TCF7L2: variants seen among roughly 807,000 people sequenced by gnomAD.
TCF7L2 encodes transcription factor 7-like 2.
In TCF7L2, 23 loss-of-function variants were observed where a neutral mutation model predicts 77.9. The ratio of observed to expected loss-of-function variants is 0.30; its 90% confidence interval spans 0.21 to 0.42. TCF7L2 has a LOEUF of 0.42. TCF7L2 is among the 10% of genes least tolerant of loss of function. TCF7L2 has a pLI of 1.00. For missense variants in TCF7L2, 654 were observed against 793.1 expected (o/e 0.82, Z 2.11); for synonymous variants, 413 against 340.2 (o/e 1.21, Z -2.36).
intron 5 of TCF7L2, among the ~76,000 whole-genome samples, chr10:113,101,410 G>A (rs564697772): frequency 3.5e-4 from 53 of 152,062 alleles, no homozygotes; most frequent in Non-Finnish European, 7.4e-4. Context: ...AGGCATGGTG[G>A]TGCATACCTG....
chr10:113,160,852 A>G (rs1258155897), intron 13 of TCF7L2, among the ~76,000 whole-genome samples: 1 of 152,118 alleles, frequency 6.6e-6, no homozygotes, highest in Non-Finnish European at 1.5e-5. Context: ...ATTTTATGCC[A>G]TTTCCTCTCC....
chr10:113,006,942 T>C (rs770095409), intron 4 of TCF7L2, among the ~76,000 whole-genome samples: 21 of 152,366 alleles, frequency 1.4e-4, no homozygotes, highest in South Asian at 4.1e-4. Context: ...TCCTCACTGA[T>C]GCACCTGCCC....
At position 113,091,904 on chromosome 10, in the gene TCF7L2, A is replaced by G. The variant is rs144602544; in HGVS notation, c.553-49280A>G. On this transcript the variant is annotated intron_variant, in intron 5 of 13. Coordinates refer to ENST00000627217, the MANE Select transcript of TCF7L2 (RefSeq NM_001146274.2). ...AGGCCCCCTTTTCTCTGCATTAGCCATGGCCTGGTAGAAGATCTTTTTCAG... is the reference window on the plus strand; with the variant it reads ...AGGCCCCCTTTTCTCTGCATTAGCCGTGGCCTGGTAGAAGATCTTTTTCAG... Among the ~76,000 whole-genome samples, 461 of 152,288 alleles carry G rather than the reference A, an allele frequency of 3.0e-3. 3 individuals are homozygous for G. The highest frequency in any genetic ancestry group is 0.011 in the African/African-American group (442 of 41,556).
rs957176542 is a variant in TCF7L2 at position 113,052,289 on chromosome 10, A to G, written c.552+12163A>G. ...GAGAGATTCTGAGGCTGTATGTGTC[A>G]GGGCCTCCAGGGGAAGGATGCATTG... is the stretch of plus-strand genomic sequence containing the variant. On this transcript the variant is annotated intron_variant, in intron 5 of 13. Transcript: ENST00000627217. Among the ~76,000 whole-genome samples, 4 of 152,126 alleles carry G rather than the reference A, an allele frequency of 2.6e-5. No individual in the cohort carries two copies. The South Asian group carries it at 6.2e-4, about 24-fold the overall frequency.
Position 113,082,687 on chromosome 10 carries a change from CTT to C in TCF7L2, c.552+42562_552+42563del, listed in dbSNP as rs1430130483. 4.6e-5 allele frequency among the ~76,000 whole-genome samples: 7 copies of C among 152,158 alleles called. No homozygotes were observed. In the East Asian group the frequency reaches 1.2e-3, roughly 25 times the overall value. ...TGACTTATTTTAATAAATTTACCCT[CTT>C]ATTATATAATGGCCATGTCCAGAAA... On this transcript the variant is annotated intron_variant, in intron 5 of 13. Coordinates refer to ENST00000627217, the MANE Select transcript of TCF7L2 (RefSeq NM_001146274.2).
chr10:113,070,364 T>G (rs1323924724), intron 5 of TCF7L2, among the ~76,000 whole-genome samples: 1 of 151,404 alleles, frequency 6.6e-6, no homozygotes, highest in Admixed American at 6.6e-5. Context: ...CTGCTGGGTG[T>G]TCAGTATTCA....
rs543397017 is a variant in TCF7L2, at chr10:113,035,169, C to A, written c.451-4856C>A. Reference sequence around the variant, plus strand: ...TTGTGGTTAGACCTTGTGATGGGGGCCTCAGCCAAAGGGTTCAGGATTTTT... The same window carrying A: ...TTGTGGTTAGACCTTGTGATGGGGGACTCAGCCAAAGGGTTCAGGATTTTT... On this transcript the variant is annotated intron_variant, in intron 4 of 13. Transcript: ENST00000627217. Among the ~76,000 whole-genome samples the A allele has an allele frequency of 6.1e-4, 93 of 152,248 alleles. 1 individual carries two copies. The South Asian group carries it at 0.019, about 32-fold the overall frequency.
At position 113,120,110 on chromosome 10, in the gene TCF7L2, G is replaced by A. The variant is rs544334398; in HGVS notation, c.553-21074G>A. On this transcript the variant is annotated intron_variant, in intron 5 of 13. Coordinates refer to ENST00000627217, the MANE Select transcript of TCF7L2 (RefSeq NM_001146274.2). ...ATCGACTGATGAGACCAGAGGCTCCGCCAATAAAAGGTTACAGTACGTGAT... is the reference window on the plus strand; with the variant it reads ...ATCGACTGATGAGACCAGAGGCTCCACCAATAAAAGGTTACAGTACGTGAT... Among the ~76,000 whole-genome samples the A allele has an allele frequency of 9.9e-5, 15 of 152,250 alleles. No homozygotes were observed. The East Asian group carries it at 2.1e-3, about 22-fold the overall frequency.
intron 5 of TCF7L2, among the ~76,000 whole-genome samples, chr10:113,127,526 T>C (rs952538853): frequency 6.6e-6 from 1 of 152,206 alleles, no homozygotes; most frequent in Non-Finnish European, 1.5e-5. Flanking sequence ...AATTTCATGC[T>C]GAAAGGAAAG....
At position 113,165,680 on chromosome 10, in the gene TCF7L2, A is replaced by G. The variant is rs2074001149; in HGVS notation, c.1517A>G (p.Asp506Gly). The stretch of plus-strand genomic sequence containing the variant: ...AACCTGCTAGGCTCCCCTCCCCGAG[A>G]CGCCAAGTCACAGACTGAGCAGACC... Residue 506 changes from aspartate to glycine, a missense_variant, in exon 14 of 14, where the codon GAC (aspartate) becomes GGC (glycine). Asp to Gly is a moderately conservative substitution (Grantham distance 94). Around this residue, in one of 6 missense-constraint regions of TCF7L2, gnomAD observed 272 missense variants for 215.4 expected, o/e 1.26. Coordinates refer to ENST00000627217, the MANE Select transcript of TCF7L2 (RefSeq NM_001146274.2). The G allele has an allele frequency of 1.3e-6, 2 of 1,597,120 alleles. No homozygotes were observed. Among genetic ancestry groups the G allele is most frequent in the Non-Finnish European group, 1.7e-6 (2 of 1,174,368 alleles).
At chr10:113,025,392 C>T (rs1393628838) in intron 4 of TCF7L2, among the ~76,000 whole-genome samples, 1 of 152,040 alleles carries the variant, frequency 6.6e-6, no homozygotes, top group Non-Finnish European at 1.5e-5. Context: ...GCGTGTGCCA[C>T]CACTTCTGGC....
intron 4 of TCF7L2, among the ~76,000 whole-genome samples, chr10:113,011,877 A>AGT (rs1308544464): frequency 6.6e-6 from 1 of 151,588 alleles, no homozygotes; most frequent in African/African-American, 2.4e-5. Context: ...TGCTACCTTG[A>AGT]GTATTGCTGT....
intron 12 of TCF7L2, among the ~76,000 whole-genome samples, chr10:113,160,210 C>G (rs1288260910): frequency 6.6e-6 from 1 of 151,952 alleles, no homozygotes; most frequent in Non-Finnish European, 1.5e-5. Flanking sequence ...CTCGTGCCTC[C>G]TCGGGTCAGC....
chr10:113,161,479 C>A, intron 13 of TCF7L2: 2 of 1,322,388 alleles, frequency 1.5e-6, no homozygotes, highest in Non-Finnish European at 2.1e-6. Context: ...GTAGGTACTT[C>A]CTTCTTGGTG....
intron 4 of TCF7L2, among the ~76,000 whole-genome samples, chr10:112,981,084 C>T (rs562369625): frequency 6.6e-6 from 1 of 152,170 alleles, no homozygotes; most frequent in East Asian, 1.9e-4. Context: ...CTTACCAAAC[C>T]ACCAGTATGT....
chr10:113,130,085 C>A, intron 5 of TCF7L2: 1 of 906,676 alleles, frequency 1.1e-6, no homozygotes. Context: ...TTTTCCCCCC[C>A]CTTAATTTAG....
chr10:113,122,147 A>T (rs930870930), intron 5 of TCF7L2, among the ~76,000 whole-genome samples: 1 of 152,250 alleles, frequency 6.6e-6, no homozygotes, highest in East Asian at 1.9e-4. Flanking sequence ...AAGTATCAAG[A>T]TACACTTCTG....
chr10:113,146,967 T>G (rs1303431442), intron 8 of TCF7L2, among the ~76,000 whole-genome samples: 2 of 152,210 alleles, frequency 1.3e-5, no homozygotes, highest in African/African-American at 4.8e-5. Context: ...AGAAACATAT[T>G]TACAAGATAC....
At chr10:113,078,673 A>G (rs2058989204) in intron 5 of TCF7L2, among the ~76,000 whole-genome samples, 1 of 151,874 alleles carries the variant, frequency 6.6e-6, no homozygotes, top group Admixed American at 6.6e-5. Context: ...ACACACACCC[A>G]GTTTGTTGCT....
Sources: gnomAD v4.1 joint callset for allele counts (sites outside exome capture counted in the v4.1 genomes callset) on GRCh38, gnomAD v4.1.1 for gene constraint, gnomAD v4.1.1 regional missense constraint, MANE v1.5 for transcripts, NCBI Gene and HGNC (gene_info 2026-07-23, HGNC 2026-07-21) for gene names.